Variants in IAPP observed in about 807,000 individuals in gnomAD.
IAPP encodes islet amyloid polypeptide.
A neutral mutation model predicts 2.9 loss-of-function variants in IAPP; 4 were observed. The observed-to-expected ratio is 1.39, with a 90% CI of 0.69 to 3.19. The LOEUF (loss-of-function observed/expected upper bound fraction) is 3.19, where lower values mean the gene tolerates loss of function less well. Ranked by LOEUF, IAPP falls within the 30% of genes most tolerant of loss-of-function variation. The pLI is 0.01. For synonymous variants in IAPP, 40 were observed against 42.1 expected, an observed-to-expected ratio of 0.95 and a Z score of 0.19; for missense variants, 114 against 105.3, an observed-to-expected ratio of 1.08 and a Z score of -0.36.
intron 2 of IAPP, among the ~76,000 whole-genome samples, chr12:21,375,601 G>A (rs187409429): frequency 9.5e-4 from 145 of 152,194 alleles, no homozygotes; most frequent in Non-Finnish European, 1.6e-3. Context: ...GGTAATCAAA[G>A]GATAGTTAAA....
Position 21,378,306 on chromosome 12 carries a change from T to C in IAPP, c.150T>C (p.Val50=), listed in dbSNP as rs1940356470. 3 of 1,614,076 alleles carry C rather than the reference T, an allele frequency of 1.9e-6. No individual in the cohort carries two copies. Among genetic ancestry groups the C allele is most frequent in the South Asian group, 2.2e-5 (2 of 91,086 alleles). ...CGCAGCGCCTGGCAAATTTTTTAGT[T>C]CATTCCAGCAACAACTTTGGTGCCA... ...CATQRLANFL[V]HSSNNFGAIL... Residue 50 remains valine (V), a synonymous_variant, in exon 3 of 3, where the codon GTT becomes GTC. Transcript: ENST00000240652.
At chr12:21,355,331 C>T (rs1938280098) in intron 1 of IAPP, among the ~76,000 whole-genome samples, 1 of 152,058 alleles carries the variant, frequency 6.6e-6, no homozygotes, top group Admixed American at 6.6e-5. Flanking sequence ...TAAAAGACAA[C>T]TAGAACTTAG....
chr12:21,359,078 AG>A (rs1938607258), intron 1 of IAPP, among the ~76,000 whole-genome samples: 2 of 152,202 alleles, frequency 1.3e-5, no homozygotes, highest in Admixed American at 1.3e-4. Flanking sequence ...CTGCAAGTCT[AG>A]GGATTTTTAG....
intron 1 of IAPP, among the ~76,000 whole-genome samples, chr12:21,359,709 T>G (rs1346145461): frequency 6.7e-6 from 1 of 150,374 alleles, no homozygotes; most frequent in Non-Finnish European, 1.5e-5. Flanking sequence ...ATCGTGCCAC[T>G]GCACTCCAGC....
intron 1 of IAPP, among the ~76,000 whole-genome samples, chr12:21,360,260 A>G (rs369235370): frequency 6.6e-6 from 1 of 152,232 alleles, no homozygotes; most frequent in Non-Finnish European, 1.5e-5. Flanking sequence ...GAGTGTGTGC[A>G]TTGGCCAAAA....
chr12:21,379,434 C>T lies in IAPP; in HGVS notation c.*1008C>T, dbSNP rs1377702565. 1 of 152,204 alleles carries T rather than the reference C, an allele frequency of 6.6e-6. No homozygotes were observed. Among genetic ancestry groups the T allele is most frequent in the Non-Finnish European group, 1.5e-5 (1 of 68,034 alleles). The allele number at this position is 152,204 out of a possible 1,614,324, so 9.4% of individuals were successfully genotyped here. A position where few individuals can be genotyped will look rare whatever the true frequency, so the allele number is the denominator to read the frequency against. ...TCTTATGCAGGGTATTGCGAAACAA[C>T]TTGTGTTCTATTAATCGTGTCTTCA... On this transcript the variant is annotated 3_prime_UTR_variant, in exon 3 of 3. Coordinates refer to ENST00000240652, the MANE Select transcript of IAPP (RefSeq NM_000415.3).
Position 21,362,818 on chromosome 12 carries a change from C to A in IAPP, c.-16+7805C>A, listed in dbSNP as rs546443192. Reference sequence around the variant, plus strand: ...AGACAAGGCCATTACATAATGGTAACAGGATCAATTCAACAAGAAGAGCTA... The same window carrying A: ...AGACAAGGCCATTACATAATGGTAAAAGGATCAATTCAACAAGAAGAGCTA... On this transcript the variant is annotated intron_variant, in intron 1 of 2. Coordinates refer to the IAPP transcript ENST00000539393. Among the ~76,000 whole-genome samples the A allele has an allele frequency of 4.6e-5, 7 of 152,214 alleles. No homozygotes were observed. In the South Asian group the frequency reaches 1.0e-3, roughly 23 times the overall value.
At position 21,379,089 on chromosome 12, in the gene IAPP, A is replaced by G; in HGVS notation, c.*663A>G. On this transcript the variant is annotated 3_prime_UTR_variant, in exon 3 of 3. Transcript: ENST00000240652. ...GACTCGTCTCAAAAAAAAGAAAGAA[A>G]ATTAGTAATTGTAAGTACCCCTGAT... The G allele has an allele frequency of 6.6e-6, 1 of 152,136 alleles. No homozygotes were observed. The allele number at this position is 152,136 out of a possible 1,614,324, so 9.4% of individuals were successfully genotyped here.
At chr12:21,364,029 C>A (rs918682952) in intron 1 of IAPP, among the ~76,000 whole-genome samples, 3 of 152,080 alleles carry the variant, frequency 2.0e-5, no homozygotes, top group African/African-American at 7.2e-5. Flanking sequence ...AAGAGGGAAT[C>A]CTCCCTCAGT....
intron 2 of IAPP, among the ~76,000 whole-genome samples, chr12:21,375,622 C>T (rs1940136892): frequency 2.0e-5 from 3 of 152,168 alleles, no homozygotes; most frequent in Non-Finnish European, 4.4e-5. Context: ...AATATAATTA[C>T]ATAGATGCCA....
At chr12:21,362,594 C>T (rs893381237) in intron 1 of IAPP, among the ~76,000 whole-genome samples, 16 of 152,110 alleles carry the variant, frequency 1.1e-4, no homozygotes, top group Non-Finnish European at 4.4e-5. Context: ...AATTAGAAGA[C>T]ACAGACTGGC....
upstream of IAPP, among the ~76,000 whole-genome samples, chr12:21,371,809 C>G (rs1939815103): frequency 6.6e-6 from 1 of 152,040 alleles, no homozygotes. Flanking sequence ...TCGAGACCAG[C>G]CTGACCAACA....
At chr12:21,364,886 A>C (rs923844455) in intron 1 of IAPP, among the ~76,000 whole-genome samples, 2 of 152,218 alleles carry the variant, frequency 1.3e-5, no homozygotes, top group Middle Eastern at 3.4e-3. Context: ...ACTGCTCAGC[A>C]AAATAAAACA....
chr12:21,378,267 T>A lies in IAPP; in HGVS notation c.111T>A (p.Thr37=). The A allele has an allele frequency of 5.0e-6, 8 of 1,614,230 alleles. No homozygotes were observed. Among genetic ancestry groups the A allele is most frequent in the Non-Finnish European group, 6.8e-6 (8 of 1,180,022 alleles). The change falls in exon 3 of 3, where the codon ACT becomes ACA. Residue 37 remains threonine, a synonymous_variant. Coordinates refer to ENST00000240652, the MANE Select transcript of IAPP (RefSeq NM_000415.3). Reference sequence around the variant, plus strand: ...AGGTGGAAAAGCGGAAATGCAACACTGCCACATGTGCAACGCAGCGCCTGG... The same window carrying A: ...AGGTGGAAAAGCGGAAATGCAACACAGCCACATGTGCAACGCAGCGCCTGG... ...SHQVEKRKCN[T]ATCATQRLAN...
chr12:21,357,390 G>A (rs1288893278), intron 1 of IAPP, among the ~76,000 whole-genome samples: 1 of 152,180 alleles, frequency 6.6e-6, no homozygotes, highest in African/African-American at 2.4e-5. Context: ...ACTACCAGAA[G>A]CTAGAAAGAG....
intron 2 of IAPP, among the ~76,000 whole-genome samples, 177 bp from the exon 3 acceptor site, chr12:21,378,060 T>C (rs994642762): frequency 1.3e-5 from 2 of 152,224 alleles, no homozygotes; most frequent in African/African-American, 4.8e-5. Context: ...TCAATTGTTA[T>C]TTCAAGGTGT....
chr12:21,365,427 C>T (rs1265152988), intron 1 of IAPP, among the ~76,000 whole-genome samples: 1 of 152,152 alleles, frequency 6.6e-6, no homozygotes, highest in African/African-American at 2.4e-5. Context: ...AATGTTATAC[C>T]TAAAACCATA....
upstream of IAPP, among the ~76,000 whole-genome samples, chr12:21,368,661 A>G (rs1358705125): frequency 6.6e-6 from 1 of 152,154 alleles, no homozygotes; most frequent in African/African-American, 2.4e-5. Context: ...TTTAAATAAT[A>G]CAGTGGGAGG....
chr12:21,361,096 G>T (rs1021100832), intron 1 of IAPP, among the ~76,000 whole-genome samples: 1 of 152,184 alleles, frequency 6.6e-6, no homozygotes, highest in African/African-American at 2.4e-5. Flanking sequence ...CCTCAAGTGG[G>T]TCCCTGACCC....
Sources: allele counts gnomAD v4.1 joint callset (sites outside exome capture counted in the v4.1 genomes callset), GRCh38; gene constraint gnomAD v4.1.1; transcripts MANE v1.5; gene names NCBI Gene and HGNC (gene_info 2026-07-23, HGNC 2026-07-21).